GNG7: variants seen among roughly 807,000 people sequenced by gnomAD.
GNG7 encodes the protein guanine nucleotide-binding protein G(I)/G(S)/G(O) subunit gamma-7.
GNG7 carries 1 observed loss-of-function variant against 4.0 expected under a neutral mutation model. That is an observed-to-expected ratio of 0.25 (90% confidence interval 0.09 to 1.18). The LOEUF (loss-of-function observed/expected upper bound fraction) is 1.18. Among genes scored for constraint, GNG7 ranks in the 50% most tolerant of loss-of-function variants. GNG7 has a pLI of 0.50. For synonymous variants in GNG7, 34 were observed against 36.9 expected, an observed-to-expected ratio of 0.92 and a Z score of 0.29; for missense variants, 86 against 91.9, an observed-to-expected ratio of 0.94 and a Z score of 0.26.
chr19:2,678,668 G>C (rs1027710031), intron 1 of GNG7, among the ~76,000 whole-genome samples: 1 of 152,032 alleles, frequency 6.6e-6, no homozygotes, highest in African/African-American at 2.4e-5. Context: ...GGAGGGTCCT[G>C]GGCAGCAGGC....
intron 3 of GNG7, among the ~76,000 whole-genome samples, chr19:2,542,107 CTTTT>C (rs1175526574): frequency 1.5e-5 from 1 of 64,566 alleles, no homozygotes; most frequent in Non-Finnish European, 2.8e-5. Context: ...GCTGTGTGTT[CTTTT>C]TTTTTTTTTT....
rs1372464405 is a variant in GNG7 at position 2,605,344 on chromosome 19, ACC to A, written c.-78+40878_-78+40879del. 5.6e-3 allele frequency among the ~76,000 whole-genome samples: 840 copies of A among 151,186 alleles called. 11 individuals are homozygous for A. Among genetic ancestry groups the A allele is most frequent in the Middle Eastern group, 0.014 (4 of 292 alleles). ...CTCCTGAGTAGCTGGGACTACAGGC[ACC>A]TGCCACCATGCCCAGCTAATTTTTG... On this transcript the variant is annotated intron_variant, in intron 2 of 4. Coordinates refer to ENST00000382159, the MANE Select transcript of GNG7 (RefSeq NM_052847.3).
At chr19:2,591,783 T>C (rs762745903) in intron 2 of GNG7, among the ~76,000 whole-genome samples, 23 of 152,082 alleles carry the variant, frequency 1.5e-4, no homozygotes, top group Admixed American at 2.6e-4. Flanking sequence ...ATAGAAGATA[T>C]ACAGAGGTAC....
At chr19:2,582,636 C>T (rs934998502) in intron 2 of GNG7, among the ~76,000 whole-genome samples, 1 of 149,242 alleles carries the variant, frequency 6.7e-6, no homozygotes, top group Admixed American at 6.7e-5. Context: ...GTGCATGCCA[C>T]CATGGCTGGC....
intron 2 of GNG7, among the ~76,000 whole-genome samples, chr19:2,582,269 G>C (rs367564277): frequency 1.1e-4 from 16 of 152,200 alleles, no homozygotes; most frequent in African/African-American, 3.9e-4. Flanking sequence ...ATCAGCCAAT[G>C]GGAAGCTGGA....
At chr19:2,553,527 A>G (rs1382831011) in intron 3 of GNG7, among the ~76,000 whole-genome samples, 1 of 148,730 alleles carries the variant, frequency 6.7e-6, no homozygotes, top group African/African-American at 2.4e-5. Flanking sequence ...TGTACACATT[A>G]CATGTAACAT....
chr19:2,682,337 T>TG, intron 1 of GNG7, among the ~76,000 whole-genome samples: 1 of 151,952 alleles, frequency 6.6e-6, no homozygotes, highest in African/African-American at 2.4e-5. Flanking sequence ...TGAAAGAGTT[T>TG]GTGCAAAATG....
intron 2 of GNG7, among the ~76,000 whole-genome samples, chr19:2,594,302 G>T (rs1980941868): frequency 6.6e-6 from 1 of 151,818 alleles, no homozygotes; most frequent in Non-Finnish European, 1.5e-5. Flanking sequence ...GAACCTGGGA[G>T]GTAGAGGTTG....
intron 2 of GNG7, among the ~76,000 whole-genome samples, chr19:2,616,819 T>C (rs191077090): frequency 6.6e-6 from 1 of 151,462 alleles, no homozygotes; most frequent in East Asian, 1.9e-4. Context: ...TGGGCAAGGC[T>C]GGTGACCAGG....
Position 2,568,305 on chromosome 19 carries a change from A to G in GNG7, c.-77-13117T>C, listed in dbSNP as rs532618149. On this transcript the variant is annotated intron_variant, in intron 2 of 4. Coordinates refer to ENST00000382159, the MANE Select transcript of GNG7 (RefSeq NM_052847.3). Reference sequence around the variant, plus strand: ...CTTACACACATATACACACGCACACACATACACACGCACACACACATATAC... The same window carrying G: ...CTTACACACATATACACACGCACACGCATACACACGCACACACACATATAC... Among the ~76,000 whole-genome samples, 13 of 151,224 alleles carry G rather than the reference A, an allele frequency of 8.6e-5. No homozygotes were observed. The East Asian group carries it at 2.1e-3, about 25-fold the overall frequency.
At chr19:2,693,600 G>A (rs1325700673) in intron 1 of GNG7, among the ~76,000 whole-genome samples, 3 of 151,980 alleles carry the variant, frequency 2.0e-5, no homozygotes, top group Admixed American at 6.6e-5. Flanking sequence ...TGTGGACATC[G>A]GAGCTCTGGA....
At chr19:2,669,300 A>G (rs556706788) in intron 1 of GNG7, among the ~76,000 whole-genome samples, 6 of 151,930 alleles carry the variant, frequency 3.9e-5, no homozygotes, top group African/African-American at 7.2e-5. Flanking sequence ...GACCAGCCTG[A>G]CCAACATGGT....
At chr19:2,572,440 T>G (rs1980175782) in intron 2 of GNG7, among the ~76,000 whole-genome samples, 5 of 151,658 alleles carry the variant, frequency 3.3e-5, no homozygotes, top group Admixed American at 3.3e-4. Flanking sequence ...ACTTTTTCTT[T>G]TCTTTTTTTT....
At chr19:2,528,981 G>A (rs917322198) in intron 3 of GNG7, among the ~76,000 whole-genome samples, 3 of 152,170 alleles carry the variant, frequency 2.0e-5, no homozygotes, top group African/African-American at 7.2e-5. Context: ...CGGTTTGCCC[G>A]GAGCTCTTGA....
At chr19:2,568,090 C>T (rs1307460645) in intron 2 of GNG7, among the ~76,000 whole-genome samples, 2 of 151,102 alleles carry the variant, frequency 1.3e-5, no homozygotes, top group Non-Finnish European at 2.9e-5. Flanking sequence ...CACATGCACA[C>T]ACACACACTT....
In GNG7 at chr19:2,609,549, C is replaced by T. The variant is rs1159603941; in HGVS notation, c.-78+36675G>A. Among the ~76,000 whole-genome samples, 2 of 152,136 alleles carry T rather than the reference C, an allele frequency of 1.3e-5. No individual in the cohort carries two copies. The highest frequency in any genetic ancestry group is 2.4e-5 in the African/African-American group (1 of 41,422). On this transcript the variant is annotated intron_variant, in intron 2 of 4. Coordinates refer to ENST00000382159, the MANE Select transcript of GNG7 (RefSeq NM_052847.3). The surrounding 1 kb of genome is among the most constrained non-coding windows in gnomAD (Gnocchi z 4.4). ...CTTATTTTGGCCATTGCTGGAATCCCGTTGTGCAGGACAGCTGGGTGGATT... is the reference window on the plus strand; with the variant it reads ...CTTATTTTGGCCATTGCTGGAATCCTGTTGTGCAGGACAGCTGGGTGGATT...
intron 1 of GNG7, among the ~76,000 whole-genome samples, chr19:2,656,668 A>C (rs1320172871): frequency 6.6e-6 from 1 of 152,146 alleles, no homozygotes; most frequent in African/African-American, 2.4e-5. Context: ...AATGCAGCCC[A>C]CTGCTTGCTT....
chr19:2,524,783 CGT>C (rs1473672816), intron 3 of GNG7, among the ~76,000 whole-genome samples: 1 of 152,112 alleles, frequency 6.6e-6, no homozygotes, highest in Non-Finnish European at 1.5e-5. Context: ...TGTGCGCACA[CGT>C]GTGTGGGCAT....
chr19:2,568,765 T>C (rs1007320958), intron 2 of GNG7, among the ~76,000 whole-genome samples: 4 of 149,490 alleles, frequency 2.7e-5, no homozygotes, highest in East Asian at 2.0e-4. Flanking sequence ...CACATACACA[T>C]ATACACATAA....
Sources: allele counts gnomAD v4.1 joint callset (sites outside exome capture counted in the v4.1 genomes callset), GRCh38; gene constraint gnomAD v4.1.1; non-coding constraint Gnocchi (gnomAD v3.1); transcripts MANE v1.5; gene names NCBI Gene and HGNC (gene_info 2026-07-23, HGNC 2026-07-21).